ZMYND12: variants seen among roughly 807,000 people sequenced by gnomAD.
ZMYND12 encodes the protein zinc finger MYND-type containing 12.
A neutral mutation model predicts 41.7 loss-of-function variants in ZMYND12; 32 were observed. That is an observed-to-expected ratio of 0.77 (90% CI 0.58 to 1.03). The LOEUF (loss-of-function observed/expected upper bound fraction) is 1.03, where lower values mean the gene tolerates loss of function less well. ZMYND12 is among the 50% of genes least tolerant of loss of function. ZMYND12 has a pLI of 0.00. For synonymous variants in ZMYND12, 148 were observed against 164.8 expected (o/e 0.90, Z 0.78); for missense variants, 424 against 438.5 (o/e 0.97, Z 0.30).
At chr1:42,455,750 G>C in intron 1 of ZMYND12, 138 bp downstream of exon 1, 1 of 619,632 alleles carries the variant, frequency 1.6e-6, no homozygotes. Flanking sequence ...GGGAGTCTTA[G>C]GGGCCTGTCT....
chr1:42,451,276 C>G (rs2148410702), intron 1 of ZMYND12, among the ~76,000 whole-genome samples: 1 of 152,192 alleles, frequency 6.6e-6, no homozygotes, highest in East Asian at 1.9e-4. Context: ...AAGTCTTCAA[C>G]CATTATTATT....
At position 42,433,203 on chromosome 1, in the gene ZMYND12, T is replaced by A. The variant is rs1642872389; in HGVS notation, c.915A>T (p.Lys305Asn). The A allele has an allele frequency of 6.2e-7, 1 of 1,612,630 alleles. No homozygotes were observed. Among genetic ancestry groups the A allele is most frequent in the Non-Finnish European group, 8.5e-7 (1 of 1,179,480 alleles). The change falls in exon 7 of 8, where the codon AAA becomes AAT. Residue 305 changes from lysine to asparagine, a missense_variant. Transcript: ENST00000372565. ...RESTSDKAPQKTIFVLKILVM... is the reference protein window; with the variant it reads ...RESTSDKAPQNTIFVLKILVM... Reference sequence around the variant, plus strand: ...CCAGGATCTTCAGAACAAAGATGGTTTTTTGGGGGGCTTTGTCAGATGTAG... The same window carrying A: ...CCAGGATCTTCAGAACAAAGATGGTATTTTGGGGGGCTTTGTCAGATGTAG...
intron 3 of ZMYND12, among the ~76,000 whole-genome samples, chr1:42,441,901 T>C (rs895832360): frequency 2.0e-5 from 3 of 152,252 alleles, no homozygotes; most frequent in African/African-American, 7.2e-5. Context: ...ATTACAGGCG[T>C]GAGCCACCGC....
intron 4 of ZMYND12, among the ~76,000 whole-genome samples, chr1:42,438,331 T>C (rs886793281): frequency 2.6e-5 from 4 of 152,172 alleles, no homozygotes; most frequent in African/African-American, 9.7e-5. Flanking sequence ...GGAAAAGCCC[T>C]ACGAGTAAAA....
rs549144437 is a variant in ZMYND12, at chr1:42,449,707, G to A, written c.252+211C>T. On this transcript the variant is annotated intron_variant, in intron 2 of 7. Transcript: ENST00000372565. ...TTGAGCCACCCAGTTTGTGATATTT[G>A]ATTGTGACAGTGCTAGCAGACTAAT... 2.4e-4 allele frequency among the ~76,000 whole-genome samples: 37 copies of A among 152,330 alleles called. No individual in the cohort carries two copies. In the South Asian group the frequency reaches 7.7e-3, roughly 32 times the overall value.
intron 3 of ZMYND12, among the ~76,000 whole-genome samples, chr1:42,441,765 C>T (rs1372188404): frequency 7.3e-5 from 11 of 151,074 alleles, no homozygotes; most frequent in East Asian, 2.0e-4. Context: ...GGACTACAGG[C>T]GCCCGCCACT....
chr1:42,440,069 A>G, intron 3 of ZMYND12, 44 bp from the exon 4 acceptor site: 1 of 1,540,868 alleles, frequency 6.5e-7, no homozygotes, highest in Non-Finnish European at 8.7e-7. Context: ...TATCCAGGCC[A>G]AAGAACACAT....
chr1:42,451,179 T>C (rs1643080018), intron 1 of ZMYND12, among the ~76,000 whole-genome samples: 1 of 152,220 alleles, frequency 6.6e-6, no homozygotes, highest in Admixed American at 6.5e-5. Flanking sequence ...TATTTGATCT[T>C]CTATCTAGTT....
At chr1:42,435,443 G>T in intron 5 of ZMYND12, 58 bp from the exon 6 acceptor site, 1 of 1,334,200 alleles carries the variant, frequency 7.5e-7, no homozygotes, top group Non-Finnish European at 1.1e-6. Context: ...CGTCGGACCA[G>T]GCAGGTGAGG....
chr1:42,432,190 G>A (rs1458912327), intron 7 of ZMYND12, among the ~76,000 whole-genome samples: 2 of 151,656 alleles, frequency 1.3e-5, no homozygotes, highest in Non-Finnish European at 2.9e-5. Context: ...CCGAGTGGCT[G>A]GGACTACATG....
intron 7 of ZMYND12, 106 bp downstream of exon 7, chr1:42,433,037 C>CT: frequency 6.9e-7 from 1 of 1,446,834 alleles, no homozygotes; most frequent in Non-Finnish European, 9.5e-7. Flanking sequence ...TGAGGGCTTG[C>CT]TCTGAGGGCA....
intron 3 of ZMYND12, among the ~76,000 whole-genome samples, chr1:42,444,641 A>G (rs1287306751): frequency 6.6e-6 from 1 of 152,116 alleles, no homozygotes; most frequent in East Asian, 1.9e-4. Flanking sequence ...TCTCTGTGCT[A>G]AGTACTGGGC....
chr1:42,441,601 G>A (rs1032869663), intron 3 of ZMYND12, among the ~76,000 whole-genome samples: 2 of 145,346 alleles, frequency 1.4e-5, no homozygotes, highest in African/African-American at 2.6e-5. Context: ...AAGCCCACAA[G>A]TAACATCATG....
At chr1:42,453,818 C>T (rs12117167) in intron 1 of ZMYND12, among the ~76,000 whole-genome samples, 35,008 of 152,150 alleles carry the variant, frequency 0.23, 5,027 homozygotes, top group Non-Finnish European at 0.31. Flanking sequence ...ATCTTTTCCC[C>T]GTGTTCCTTG....
chr1:42,455,988 T>C lies in ZMYND12; in HGVS notation c.10A>G (p.Ile4Val), dbSNP rs113152212. 2 of 1,612,284 alleles carry C rather than the reference T, an allele frequency of 1.2e-6. No homozygotes were observed. The highest frequency in any genetic ancestry group is 1.7e-6 in the Non-Finnish European group (2 of 1,179,664). MNVIYPLAVPKGRR... is the reference protein window; with the variant it reads MNVVYPLAVPKGRR... ...CCCTTGGGGACTGCCAGTGGGTAGA[T>C]CACATTCATGGTGCAGCCAGCAGTG... The change falls in exon 1 of 8, where the codon ATC (isoleucine) becomes GTC (valine). Residue 4 changes from isoleucine to valine, a missense_variant. Coordinates refer to ENST00000372565, the MANE Select transcript of ZMYND12 (RefSeq NM_032257.5).
chr1:42,436,607 A>G, intron 4 of ZMYND12, 64 bp from the exon 5 acceptor site: 12 of 1,575,830 alleles, frequency 7.6e-6, no homozygotes, highest in Non-Finnish European at 1.0e-5. Flanking sequence ...CTGATAAAGG[A>G]CTTGTATCTA....
chr1:42,451,710 T>C (rs990005294), intron 1 of ZMYND12, among the ~76,000 whole-genome samples: 1 of 152,242 alleles, frequency 6.6e-6, no homozygotes, highest in Non-Finnish European at 1.5e-5. Flanking sequence ...AGAAACCATT[T>C]AAAATGTTTT....
At position 42,448,579 on chromosome 1, in the gene ZMYND12, GT is replaced by G; in HGVS notation, c.311del (p.His104ProfsTer16). On this transcript the variant is annotated frameshift_variant, in exon 3 of 8. Coordinates refer to ENST00000372565, the MANE Select transcript of ZMYND12 (RefSeq NM_032257.5). LOFTEE classifies it high-confidence loss of function. ...IAQKYLFEGK[H>X]EDAVPAALQS... The stretch of plus-strand genomic sequence containing the variant: ...GCAAAGCTGCTGGTACAGCATCTTC[GT>G]GTTTCCCTTCAAAGAGGTATTTCTG... 1 of 1,613,678 alleles carries G rather than the reference GT, an allele frequency of 6.2e-7. No individual in the cohort carries two copies. The highest frequency in any genetic ancestry group is 8.5e-7 in the Non-Finnish European group (1 of 1,179,796).
At chr1:42,441,245 A>G (rs1259708537) in intron 3 of ZMYND12, among the ~76,000 whole-genome samples, 2 of 152,190 alleles carry the variant, frequency 1.3e-5, no homozygotes, top group Non-Finnish European at 2.9e-5. Flanking sequence ...GGATGAATAG[A>G]AGTTTTCCAG....
Sources: gnomAD v4.1 joint callset for allele counts (sites outside exome capture counted in the v4.1 genomes callset) on GRCh38, gnomAD v4.1.1 for gene constraint, MANE v1.5 for transcripts, NCBI Gene and HGNC (gene_info 2026-07-23, HGNC 2026-07-21) for gene names.